Variants in PATL1 observed in about 807,000 individuals in gnomAD.
PATL1 encodes PAT1 homolog 1, processing body mRNA decay factor, also known as protein PAT1 homolog 1.
PATL1 carries 32 observed loss-of-function variants against 100.6 expected under a neutral mutation model. The observed-to-expected ratio is 0.32, with a 90% CI of 0.24 to 0.43. The LOEUF (loss-of-function observed/expected upper bound fraction) is 0.43. Among genes scored for constraint, PATL1 ranks in the 20% least tolerant of loss-of-function variants. The pLI is 1.00. For synonymous variants in PATL1, 332 were observed against 330.0 expected (o/e 1.01, Z -0.07); for missense variants, 747 against 949.9 (o/e 0.79, Z 2.81).
chr11:59,667,036 T>C, intron 1 of PATL1, 72 bp from the exon 2 acceptor site: 2 of 1,489,448 alleles, frequency 1.3e-6, no homozygotes, highest in Non-Finnish European at 1.8e-6. Flanking sequence ...CTAAAAATGT[T>C]CATCTTACCT....
chr11:59,666,971 AAAAAG>A lies in PATL1; in HGVS notation c.16-12_16-8del, dbSNP rs1180823420. On this transcript the variant is annotated splice_region_variant and splice_polypyrimidine_tract_variant and intron_variant, in intron 1 of 18. Coordinates refer to ENST00000300146, the MANE Select transcript of PATL1 (RefSeq NM_152716.3). Reference sequence around the variant, plus strand: ...GAGGACAATCCTCCAAAGACTAAAAAAAAAGAAAAGACATTAGTTATTCATGAAAT... The same window carrying A: ...GAGGACAATCCTCCAAAGACTAAAAAAAAAGACATTAGTTATTCATGAAAT... The A allele has an allele frequency of 9.1e-6, 14 of 1,537,490 alleles. No homozygotes were observed. Among genetic ancestry groups the A allele is most frequent in the Non-Finnish European group, 1.2e-5 (14 of 1,143,734 alleles).
chr11:59,639,112 G>C lies in PATL1; in HGVS notation c.2227C>G (p.Leu743Val). 6.2e-7 allele frequency: 1 copy of C among 1,613,988 alleles called. No homozygotes were observed. The highest frequency in any genetic ancestry group is 8.5e-7 in the Non-Finnish European group (1 of 1,179,886). The change falls in exon 18 of 19, where the codon CTA becomes GTA. Residue 743 changes from leucine (L) to valine (V), a missense_variant. Physicochemically the swap from Leu to Val is conservative, Grantham distance 32 (BLOSUM62 1). Coordinates refer to ENST00000300146, the MANE Select transcript of PATL1 (RefSeq NM_152716.3). ...ACATAGCGAGAAAAGAGGGACACTA[G>C]GTTTGTAGGTATAGAGATTGGCTTG... ...LAKPISIPTN[L>V]VSLFSRYVDR...
chr11:59,648,233 T>C lies in PATL1; in HGVS notation c.1734-320A>G, dbSNP rs550825523. Among the ~76,000 whole-genome samples, 7 of 149,520 alleles carry C rather than the reference T, an allele frequency of 4.7e-5. 1 individual carries two copies. In the South Asian group the frequency reaches 1.5e-3, roughly 32 times the overall value. ...CGAAGTCCCGCTTTGTTACCCAGGC[T>C]GGAGTGCAGTGGCGCTATCTTGGTT... On this transcript the variant is annotated intron_variant, in intron 14 of 18. Coordinates refer to ENST00000300146, the MANE Select transcript of PATL1 (RefSeq NM_152716.3).
chr11:59,643,661 C>T (rs772614334), intron 15 of PATL1, among the ~76,000 whole-genome samples: 23 of 152,204 alleles, frequency 1.5e-4, no homozygotes, highest in Non-Finnish European at 2.5e-4. Context: ...AACCACATTC[C>T]GGCTTGGGTG....
At position 59,654,064 on chromosome 11, in the gene PATL1, G is replaced by A. The variant is rs745838514; in HGVS notation, c.1040C>T (p.Ala347Val). The A allele has an allele frequency of 6.2e-7, 1 of 1,613,368 alleles. No homozygotes were observed. Among genetic ancestry groups the A allele is most frequent in the Admixed American group, 1.7e-5 (1 of 60,006 alleles). The change falls in exon 9 of 19, where the codon GCC (alanine) becomes GTC (valine). Residue 347 changes from alanine to valine, a missense_variant. Ala to Val is a moderately conservative substitution (Grantham distance 64). Transcript: ENST00000300146. The stretch of plus-strand genomic sequence containing the variant: ...AGTTGTGTCCGGTCTAAACATTGGG[G>A]CCTGAGATCTAAGAAAAACGGAAAA... ...GPHLQNLRSQ[A>V]PMFRPDTTHL...
rs1352858366 is a variant in PATL1 at position 59,657,687 on chromosome 11, G to A, written c.464C>T (p.Pro155Leu). 2 of 1,613,422 alleles carry A rather than the reference G, an allele frequency of 1.2e-6. No individual in the cohort carries two copies. Among genetic ancestry groups the A allele is most frequent in the Non-Finnish European group, 1.7e-6 (2 of 1,179,696 alleles). Residue 155 changes from proline to leucine, a missense_variant, in exon 5 of 19, where the codon CCT becomes CTT. Coordinates refer to ENST00000300146, the MANE Select transcript of PATL1 (RefSeq NM_152716.3). Reference sequence around the variant, plus strand: ...TTCTGGACCCTGGGGGGGCCTCTGAGGCAAAGCATATTCTAATACAGACAC... The same window carrying A: ...TTCTGGACCCTGGGGGGGCCTCTGAAGCAAAGCATATTCTAATACAGACAC... Reference protein sequence around the residue: ...PTVSVLEYALPQRPPQGPEDD... With the variant: ...PTVSVLEYALLQRPPQGPEDD...
rs988685340 is a variant in PATL1 at position 59,658,977 on chromosome 11, A to C, written c.346-31T>G. ...AAAAAAGGAAAACATACAGAGTCTG[A>C]AATGTTGTATACTCTCTGGGTGACT... On this transcript the variant is annotated intron_variant, in intron 3 of 18. Transcript: ENST00000300146. 24 of 1,518,578 alleles carry C rather than the reference A, an allele frequency of 1.6e-5. No individual in the cohort carries two copies. In the East Asian group the frequency reaches 5.4e-4, roughly 34 times the overall value. 94.1% of individuals were successfully genotyped at this position (1,518,578 alleles called of 1,614,324 possible).
At chr11:59,662,884 T>C (rs1861644840) in intron 2 of PATL1, among the ~76,000 whole-genome samples, 1 of 152,182 alleles carries the variant, frequency 6.6e-6, no homozygotes, top group South Asian at 2.1e-4. Context: ...AAAATATTGG[T>C]TAAGTCGCCA....
intron 16 of PATL1, 76 bp downstream of exon 16, chr11:59,642,804 C>G: frequency 6.9e-7 from 1 of 1,445,324 alleles, no homozygotes; most frequent in African/African-American, 1.4e-5. Context: ...GCTAGAGATA[C>G]AGCAGCCATT....
In PATL1 at chr11:59,650,831, AT is replaced by A; in HGVS notation, c.1525-19del. On this transcript the variant is annotated intron_variant, in intron 12 of 18. Transcript: ENST00000300146. Reference sequence around the variant, plus strand: ...TTTGTCTCCTAAAAAAGAGAAGACTATTCAATGCAAATTCTTTATCTCTGTT... The same window carrying A: ...TTTGTCTCCTAAAAAAGAGAAGACTATCAATGCAAATTCTTTATCTCTGTT... 6.6e-7 allele frequency: 1 copy of A among 1,510,234 alleles called. No individual in the cohort carries two copies. Among genetic ancestry groups the A allele is most frequent in the Non-Finnish European group, 9.0e-7 (1 of 1,114,408 alleles). 93.6% of individuals were successfully genotyped at this position (1,510,234 alleles called of 1,614,324 possible).
intron 2 of PATL1, among the ~76,000 whole-genome samples, chr11:59,666,392 TA>T (rs1036946704): frequency 1.3e-5 from 2 of 152,242 alleles, no homozygotes; most frequent in African/African-American, 4.8e-5. Context: ...GAAGATACTA[TA>T]AGTTGCAAAG....
chr11:59,656,046 C>G lies in PATL1; in HGVS notation c.724-1G>C. ...AAGGGTGACCCAGGAGGGAAGAGTT[C>G]TAAGGTAAAAAAAAAAAAAAAAAAA... On this transcript the variant is annotated splice_acceptor_variant, in intron 6 of 18. Coordinates refer to ENST00000300146, the MANE Select transcript of PATL1 (RefSeq NM_152716.3). LOFTEE classifies it high-confidence loss of function. The G allele has an allele frequency of 1.3e-6, 1 of 764,628 alleles. No individual in the cohort carries two copies. The highest frequency in any genetic ancestry group is 4.6e-5 in the Admixed American group (1 of 21,874). The allele number at this position is 764,628 out of a possible 1,614,324, so 47.4% of individuals were successfully genotyped here. A position where few individuals can be genotyped will look rare whatever the true frequency, so the allele number is the denominator to read the frequency against.
chr11:59,649,318 G>T, intron 14 of PATL1, 144 bp downstream of exon 14: 1 of 758,756 alleles, frequency 1.3e-6, no homozygotes, highest in Non-Finnish European at 2.0e-6. Context: ...TAAATGAAGT[G>T]GCATTTGAGT....
At chr11:59,667,087 G>C in intron 1 of PATL1, 123 bp from the exon 2 acceptor site, 1 of 1,412,096 alleles carries the variant, frequency 7.1e-7, no homozygotes, top group South Asian at 1.6e-5. Context: ...TTTTTGTAAA[G>C]ATGGCATTTT....
Position 59,647,797 on chromosome 11 carries a change from G to A in PATL1, c.1850C>T (p.Ala617Val), listed in dbSNP as rs759712162. Reference sequence around the variant, plus strand: ...CTTGATAAGGAAAGGGAGGTTCCTGGCTGTTGTCATGAGAATGTCAGCTGC... The same window carrying A: ...CTTGATAAGGAAAGGGAGGTTCCTGACTGTTGTCATGAGAATGTCAGCTGC... ...EQAADILMTT[A>V]RNLPFLIKKD... Residue 617 changes from alanine to valine, a missense_variant, in exon 15 of 19, where the codon GCC becomes GTC. Coordinates refer to ENST00000300146, the MANE Select transcript of PATL1 (RefSeq NM_152716.3). 31 of 1,613,790 alleles carry A rather than the reference G, an allele frequency of 1.9e-5. No homozygotes were observed. Among genetic ancestry groups the A allele is most frequent in the African/African-American group, 2.7e-5 (2 of 74,904 alleles).
chr11:59,646,068 TAAA>T (rs1451113199), intron 15 of PATL1, among the ~76,000 whole-genome samples: 1 of 152,204 alleles, frequency 6.6e-6, no homozygotes, highest in Non-Finnish European at 1.5e-5. Context: ...TTCTAGGAGG[TAAA>T]ATAATGCCTG....
At chr11:59,642,747 A>T (rs1861304232) in intron 16 of PATL1, 133 bp downstream of exon 16, 1 of 928,370 alleles carries the variant, frequency 1.1e-6, no homozygotes, top group Admixed American at 2.7e-5. Context: ...GCCGGTTACT[A>T]GGAGCTTAAT....
chr11:59,660,645 C>G (rs758008157), intron 2 of PATL1, among the ~76,000 whole-genome samples: 1 of 151,964 alleles, frequency 6.6e-6, no homozygotes, highest in Non-Finnish European at 1.5e-5. Context: ...ATGGAATGAG[C>G]AGGGTGGGGA....
chr11:59,662,579 A>G (rs1161482223), intron 2 of PATL1, among the ~76,000 whole-genome samples: 1 of 152,210 alleles, frequency 6.6e-6, no homozygotes, highest in Non-Finnish European at 1.5e-5. Context: ...TGTGACATTC[A>G]TATTTGTGTC....
Sources: allele counts gnomAD v4.1 joint callset (sites outside exome capture counted in the v4.1 genomes callset), GRCh38; gene constraint gnomAD v4.1.1; transcripts MANE v1.5; gene names NCBI Gene and HGNC (gene_info 2026-07-23, HGNC 2026-07-21).